The following MCU variants were observed in gnomAD, a reference collection of about 807,000 sequenced individuals.
The protein encoded by MCU is calcium uniporter protein, mitochondrial.
A neutral mutation model predicts 45.2 loss-of-function variants in MCU; 12 were observed. The observed-to-expected ratio is 0.27, with a 90% confidence interval of 0.17 to 0.43. The LOEUF is 0.43. Among genes scored for constraint, MCU ranks in the 20% least tolerant of loss-of-function variants. MCU has a pLI of 1.00. For missense variants in MCU, 324 were observed against 436.7 expected (o/e 0.74, Z 2.30); for synonymous variants, 160 against 165.1 (o/e 0.97, Z 0.24).
At chr10:72,763,386 G>A (rs1009869235) in intron 1 of MCU, among the ~76,000 whole-genome samples, 3 of 152,120 alleles carry the variant, frequency 2.0e-5, no homozygotes, top group Non-Finnish European at 4.4e-5. Context: ...TCTCAAACTG[G>A]GTGAAGCGGG....
chr10:72,752,474 T>C (rs530267025), intron 1 of MCU, among the ~76,000 whole-genome samples: 2 of 152,330 alleles, frequency 1.3e-5, no homozygotes, highest in Admixed American at 6.5e-5. Context: ...TAAGAACATA[T>C]AGGCATTAAT....
rs879553104 is a variant in MCU, at chr10:72,751,842, C to CT, written c.150+59553dup. On this transcript the variant is annotated intron_variant, in intron 1 of 7. Coordinates refer to ENST00000373053, the MANE Select transcript of MCU (RefSeq NM_138357.3). Reference sequence around the variant, plus strand: ...TGCTTGGGTACATGTGACAGACTTTCTTTTTTTTTTTTCCTGAGACAGAGT... The same window carrying CT: ...TGCTTGGGTACATGTGACAGACTTTCTTTTTTTTTTTTTCCTGAGACAGAGT... Among the ~76,000 whole-genome samples the CT allele has an allele frequency of 4.5e-4, 65 of 143,736 alleles. 1 individual carries two copies. The highest frequency in any genetic ancestry group is 3.6e-3 in the Middle Eastern group (1 of 278). The allele number at this position is 143,736 out of a possible 152,430, so 94.3% of individuals were successfully genotyped here. A position where few individuals can be genotyped will look rare whatever the true frequency, so the allele number is the denominator to read the frequency against.
intron 6 of MCU, among the ~76,000 whole-genome samples, chr10:72,872,231 A>G (rs188356653): frequency 1.9e-4 from 28 of 151,164 alleles, no homozygotes; most frequent in Admixed American, 3.3e-4. Flanking sequence ...GGTAAATGGC[A>G]TATCTCCCTC....
rs1490683746 is a variant in MCU at position 72,885,881 on chromosome 10, G to A, written c.*59G>A. The A allele has an allele frequency of 7.8e-6, 11 of 1,413,554 alleles. No individual in the cohort carries two copies. The highest frequency in any genetic ancestry group is 1.1e-5 in the Non-Finnish European group (11 of 1,000,888). 87.6% of individuals were successfully genotyped at this position (1,413,554 alleles called of 1,614,324 possible). On this transcript the variant is annotated 3_prime_UTR_variant, in exon 8 of 8. Transcript: ENST00000373053. ...ACACCTGTTTGCCTTTTTAATTAAAGCATTGCAGGTGGAAGCTGGGAGCCA... is the reference window on the plus strand; with the variant it reads ...ACACCTGTTTGCCTTTTTAATTAAAACATTGCAGGTGGAAGCTGGGAGCCA...
At chr10:72,717,005 A>G (rs1842962685) in intron 1 of MCU, among the ~76,000 whole-genome samples, 1 of 152,096 alleles carries the variant, frequency 6.6e-6, no homozygotes, top group Non-Finnish European at 1.5e-5. Flanking sequence ...CTGAAATCAG[A>G]GGGTAGGTCT....
intron 1 of MCU, among the ~76,000 whole-genome samples, chr10:72,717,402 G>GCGCCCGCCACCA (rs1842968100): frequency 6.6e-6 from 1 of 151,940 alleles, no homozygotes; most frequent in Non-Finnish European, 1.5e-5. Flanking sequence ...TGGGTTATAG[G>GCGCCCGCCACCA]CGCCCGCCAC....
At chr10:72,749,667 G>C (rs1843465655) in intron 1 of MCU, among the ~76,000 whole-genome samples, 1 of 152,166 alleles carries the variant, frequency 6.6e-6, no homozygotes, top group African/African-American at 2.4e-5. Context: ...AGAGAGTGCT[G>C]ACAATAAATA....
intron 6 of MCU, 65 bp downstream of exon 6, chr10:72,871,645 C>CT: frequency 2.1e-6 from 3 of 1,407,042 alleles, no homozygotes; most frequent in South Asian, 1.2e-5. Flanking sequence ...CAAAAGAGTT[C>CT]TTTTTTCTCA....
intron 1 of MCU, chr10:72,708,232 T>C (rs1357838810): frequency 6.6e-6 from 1 of 152,234 alleles, no homozygotes; most frequent in African/African-American, 2.4e-5. Flanking sequence ...ATTATGCCTT[T>C]AGTCTCATCT....
chr10:72,701,621 G>A (rs771928518), intron 1 of MCU, among the ~76,000 whole-genome samples: 6 of 152,070 alleles, frequency 3.9e-5, no homozygotes, highest in Non-Finnish European at 7.4e-5. Context: ...CCGCCTCCCA[G>A]GTTCAAGTCA....
intron 6 of MCU, among the ~76,000 whole-genome samples, chr10:72,875,105 A>G (rs1845598934): frequency 6.6e-6 from 1 of 152,184 alleles, no homozygotes; most frequent in African/African-American, 2.4e-5. Context: ...TAATCTGCCC[A>G]AACATTATAT....
At chr10:72,877,718 G>A (rs985552600) in intron 6 of MCU, among the ~76,000 whole-genome samples, 1 of 152,156 alleles carries the variant, frequency 6.6e-6, no homozygotes, top group African/African-American at 2.4e-5. Flanking sequence ...GTATTTAGGT[G>A]TGCTTTTTCC....
chr10:72,809,150 T>G (rs945746426), intron 1 of MCU, among the ~76,000 whole-genome samples: 2 of 152,220 alleles, frequency 1.3e-5, no homozygotes, highest in Non-Finnish European at 2.9e-5. Context: ...GTAGTAACAA[T>G]AACCATTCTG....
intron 2 of MCU, among the ~76,000 whole-genome samples, chr10:72,837,865 T>G (rs1427848322): frequency 1.3e-5 from 2 of 149,114 alleles, no homozygotes; most frequent in Non-Finnish European, 3.0e-5. Context: ...GGTTTTTTTT[T>G]TTTTTTTTTT....
intron 1 of MCU, among the ~76,000 whole-genome samples, chr10:72,706,266 C>T (rs1269996563): frequency 8.1e-5 from 12 of 147,422 alleles, no homozygotes; most frequent in African/African-American, 2.8e-4. Context: ...GAAACCTTTT[C>T]GTAGTAAAAT....
intron 1 of MCU, among the ~76,000 whole-genome samples, chr10:72,705,190 C>T (rs1842804470): frequency 6.6e-6 from 1 of 151,766 alleles, no homozygotes; most frequent in Admixed American, 6.6e-5. Context: ...AAAAATCTTA[C>T]TTTAAGTTCT....
intron 1 of MCU, chr10:72,766,456 A>G (rs1043415736): frequency 2.6e-5 from 4 of 152,312 alleles, no homozygotes; most frequent in African/African-American, 9.6e-5. Flanking sequence ...AAGACAACCT[A>G]TGTTTATTCA....
At chr10:72,730,307 C>CTTTT (rs1221272053) in intron 1 of MCU, among the ~76,000 whole-genome samples, 3 of 124,226 alleles carry the variant, frequency 2.4e-5, no homozygotes, top group Non-Finnish European at 5.1e-5. Context: ...CTTTCTTTTT[C>CTTTT]TTTTTTTTTT....
intron 1 of MCU, among the ~76,000 whole-genome samples, chr10:72,807,080 A>C (rs1844463838): frequency 6.6e-6 from 1 of 152,230 alleles, no homozygotes; most frequent in Admixed American, 6.5e-5. Context: ...GTGGTTCCTT[A>C]AGTCACTGAG....
Sources: gnomAD v4.1 joint callset for allele counts (sites outside exome capture counted in the v4.1 genomes callset) on GRCh38, gnomAD v4.1.1 for gene constraint, MANE v1.5 for transcripts, NCBI Gene and HGNC (gene_info 2026-07-23, HGNC 2026-07-21) for gene names.